LCORL: variants seen among roughly 807,000 people sequenced by gnomAD.
The protein encoded by LCORL is ligand-dependent nuclear receptor corepressor-like protein.
Under a neutral mutation model 141.8 loss-of-function variants are expected in LCORL, and 41 were observed. That is an observed-to-expected ratio of 0.29 (90% confidence interval 0.23 to 0.38). LCORL has a LOEUF of 0.38. Among genes scored for constraint, LCORL ranks in the 10% least tolerant of loss-of-function variants. LCORL has a pLI of 1.00. For missense variants in LCORL, 1,759 were observed against 2,035.0 expected (o/e 0.86, Z 2.61); for synonymous variants, 618 against 694.1 (o/e 0.89, Z 1.72).
chr4:17,945,886 G>A (rs1335955013), intron 4 of LCORL, among the ~76,000 whole-genome samples: 1 of 151,206 alleles, frequency 6.6e-6, no homozygotes, highest in Non-Finnish European at 1.5e-5. Context: ...CTGTTTTTAT[G>A]ACAGACATAA....
chr4:17,971,405 C>T (rs937105532), intron 2 of LCORL, among the ~76,000 whole-genome samples: 7 of 150,822 alleles, frequency 4.6e-5, no homozygotes, highest in East Asian at 3.9e-4. Context: ...TGCATATATC[C>T]GAATTATAAA....
At chr4:17,956,075 C>T (rs7690823) in intron 4 of LCORL, among the ~76,000 whole-genome samples, 36,064 of 151,892 alleles carry the variant, frequency 0.24, 5,446 homozygotes, top group African/African-American at 0.43. Context: ...TCACTAATCA[C>T]CAGGGAAATA....
rs988979503 is a variant in LCORL, at chr4:17,957,015, G to A, written c.430+4888C>T. Among the ~76,000 whole-genome samples the A allele has an allele frequency of 5.8e-4, 88 of 151,926 alleles. 4 individuals carry two copies. On this transcript the variant is annotated intron_variant, in intron 4 of 7. Coordinates refer to ENST00000635767, the Ensembl canonical transcript of LCORL. The stretch of plus-strand genomic sequence containing the variant: ...ATAGGTAAAATTAGATTTGGGAGGT[G>A]ATAAAGGTATAGGAATGTGGGAAAA...
rs550885470 is a variant in LCORL at position 17,981,089 on chromosome 4, A to G, written c.155-8204T>C. Among the ~76,000 whole-genome samples, 21 of 152,328 alleles carry G rather than the reference A, an allele frequency of 1.4e-4. No individual in the cohort carries two copies. The South Asian group carries it at 3.9e-3, about 29-fold the overall frequency. On this transcript the variant is annotated intron_variant, in intron 1 of 7. Coordinates refer to ENST00000635767, the Ensembl canonical transcript of LCORL. ...CTATAGAGTTCATTTGTATAAGTACATAGTTACCCATTTCCCTACTGAAAG... is the reference window on the plus strand; with the variant it reads ...CTATAGAGTTCATTTGTATAAGTACGTAGTTACCCATTTCCCTACTGAAAG...
chr4:17,875,998 G>A, exon 7 of LCORL: 2 of 1,231,038 alleles, frequency 1.6e-6, no homozygotes, highest in Admixed American at 4.2e-5. Context: ...GTTACGTGAT[G>A]GGTTGTAGGT....
At chr4:17,976,573 T>TA (rs1717029148) in intron 1 of LCORL, among the ~76,000 whole-genome samples, 1 of 152,170 alleles carries the variant, frequency 6.6e-6, no homozygotes, top group African/African-American at 2.4e-5. Context: ...TATATATAAC[T>TA]TACTTAAAAA....
At chr4:17,982,162 T>C (rs190410424) in intron 1 of LCORL, among the ~76,000 whole-genome samples, 12 of 149,986 alleles carry the variant, frequency 8.0e-5, no homozygotes, top group Admixed American at 6.0e-4. Context: ...GATATTTTCT[T>C]TATCCAATCT....
intron 5 of LCORL, among the ~76,000 whole-genome samples, chr4:17,907,546 G>A (rs1295178072): frequency 3.3e-5 from 5 of 152,100 alleles, no homozygotes; most frequent in Non-Finnish European, 7.4e-5. Context: ...GCATGGAAAA[G>A]CAAATAAAAA....
At chr4:17,847,638 C>A (rs1011745615) in intron 7 of LCORL, among the ~76,000 whole-genome samples, 19 of 152,006 alleles carry the variant, frequency 1.2e-4, no homozygotes, top group African/African-American at 4.6e-4. Flanking sequence ...CAAAGAGATC[C>A]AAAGTACAGT....
chr4:17,876,271 T>C (rs977061368), exon 7 of LCORL: 5 of 1,230,930 alleles, frequency 4.1e-6, no homozygotes, highest in Non-Finnish European at 5.1e-6. Flanking sequence ...ATGCAGTGAC[T>C]ATTGATAATA....
exon 7 of LCORL, chr4:17,877,062 C>T: frequency 8.1e-7 from 1 of 1,230,386 alleles, no homozygotes; most frequent in Non-Finnish European, 1.0e-6. Context: ...GTATTTTTTT[C>T]TTGTAAAATT....
At chr4:18,001,242 T>A (rs573993869) in intron 1 of LCORL, among the ~76,000 whole-genome samples, 1 of 152,186 alleles carries the variant, frequency 6.6e-6, no homozygotes, top group Non-Finnish European at 1.5e-5. Flanking sequence ...AAGATTATTG[T>A]GAGGATTAAA....
At chr4:17,933,869 A>C (rs953725508) in intron 4 of LCORL, among the ~76,000 whole-genome samples, 2 of 152,026 alleles carry the variant, frequency 1.3e-5, no homozygotes, top group African/African-American at 4.8e-5. Context: ...TGGAATGAAG[A>C]GTTGATATGT....
chr4:18,020,914 C>T (rs993507305), intron 1 of LCORL, among the ~76,000 whole-genome samples: 1 of 152,228 alleles, frequency 6.6e-6, no homozygotes, highest in Non-Finnish European at 1.5e-5. Flanking sequence ...CTTCAAATCC[C>T]AACCGTCAGC....
chr4:17,893,975 T>A (rs1194368731), intron 5 of LCORL, among the ~76,000 whole-genome samples: 1 of 152,070 alleles, frequency 6.6e-6, no homozygotes, highest in Admixed American at 6.6e-5. Context: ...ATTTTTGTAT[T>A]TTTAGTAGAG....
chr4:17,883,010 G>T, intron 6 of LCORL: 1 of 972,320 alleles, frequency 1.0e-6, no homozygotes, highest in Non-Finnish European at 1.2e-6. Flanking sequence ...TTCTATAGCT[G>T]CTGGGGTTAA....
chr4:17,874,839 T>C (rs2109179391), exon 7 of LCORL: 1 of 1,233,838 alleles, frequency 8.1e-7, no homozygotes, highest in Non-Finnish European at 1.0e-6. Flanking sequence ...GGTATCTTTG[T>C]AAGCTATTTT....
At chr4:17,998,436 C>CT (rs932785860) in intron 1 of LCORL, among the ~76,000 whole-genome samples, 1 of 151,812 alleles carries the variant, frequency 6.6e-6, no homozygotes, top group African/African-American at 2.4e-5. Flanking sequence ...TCTATTTAAA[C>CT]TTTTTTTTAA....
At chr4:18,008,660 T>C (rs150567317) in intron 1 of LCORL, among the ~76,000 whole-genome samples, 122 of 152,324 alleles carry the variant, frequency 8.0e-4, no homozygotes, top group African/African-American at 2.8e-3. Context: ...TGGAAAATTA[T>C]ATGTGATAAT....
Sources: gnomAD v4.1 joint callset for allele counts (sites outside exome capture counted in the v4.1 genomes callset) on GRCh38, gnomAD v4.1.1 for gene constraint, MANE v1.5 for transcripts, NCBI Gene and HGNC (gene_info 2026-07-23, HGNC 2026-07-21) for gene names.